MECOM: variants seen among roughly 807,000 people sequenced by gnomAD.
MECOM encodes histone-lysine N-methyltransferase MECOM.
MECOM carries 13 observed loss-of-function variants against 116.3 expected under a neutral mutation model. The ratio of observed to expected loss-of-function variants is 0.11; its 90% CI spans 0.07 to 0.18. The LOEUF is 0.18. Among genes scored for constraint, MECOM ranks in the 10% least tolerant of loss-of-function variants. MECOM has a pLI of 1.00. For synonymous variants in MECOM, 528 were observed against 535.2 expected, an observed-to-expected ratio of 0.99 and a Z score of 0.19; for missense variants, 1,299 against 1,509.0, an observed-to-expected ratio of 0.86 and a Z score of 2.31.
intron 1 of MECOM, among the ~76,000 whole-genome samples, chr3:169,517,431 T>C (rs1428763271): frequency 6.6e-6 from 1 of 152,218 alleles, no homozygotes; most frequent in Non-Finnish European, 1.5e-5. Flanking sequence ...ACTTATCCAA[T>C]ATGTGCCTAA....
chr3:169,314,803 G>C (rs971740923), intron 2 of MECOM, among the ~76,000 whole-genome samples: 1 of 152,144 alleles, frequency 6.6e-6, no homozygotes, highest in Admixed American at 6.5e-5. Context: ...TTAGGGCAAC[G>C]ATATTCTTAC....
chr3:169,411,242 T>G (rs1737508939), intron 1 of MECOM, among the ~76,000 whole-genome samples: 1 of 152,194 alleles, frequency 6.6e-6, no homozygotes, highest in South Asian at 2.1e-4. Context: ...AAAAAAATGT[T>G]TGGCAAAACT....
At chr3:169,572,466 T>C (rs965414125) in intron 1 of MECOM, among the ~76,000 whole-genome samples, 3 of 152,208 alleles carry the variant, frequency 2.0e-5, no homozygotes, top group Non-Finnish European at 4.4e-5. Flanking sequence ...AGAAATACCA[T>C]TTGACCCAGC....
chr3:169,585,211 C>T (rs897503425), intron 1 of MECOM, among the ~76,000 whole-genome samples: 1 of 152,166 alleles, frequency 6.6e-6, no homozygotes. Flanking sequence ...GGAGGCCAAA[C>T]ACTGAATCAT....
At chr3:169,584,903 A>C (rs1370397199) in intron 1 of MECOM, among the ~76,000 whole-genome samples, 1 of 152,268 alleles carries the variant, frequency 6.6e-6, no homozygotes, top group Non-Finnish European at 1.5e-5. Context: ...AGATCCTAAA[A>C]GGAAAAGACA....
chr3:169,371,538 C>T (rs1730132711), intron 2 of MECOM, among the ~76,000 whole-genome samples: 2 of 151,908 alleles, frequency 1.3e-5, no homozygotes, highest in African/African-American at 2.4e-5. Flanking sequence ...CACACACTCA[C>T]ACACACATAA....
intron 2 of MECOM, among the ~76,000 whole-genome samples, chr3:169,270,216 G>A (rs1403897326): frequency 6.6e-6 from 1 of 152,100 alleles, no homozygotes; most frequent in Non-Finnish European, 1.5e-5. Flanking sequence ...TTTAAATGAT[G>A]GGTTGGTATC....
chr3:169,554,142 C>T (rs934443032), intron 1 of MECOM, among the ~76,000 whole-genome samples: 1 of 152,164 alleles, frequency 6.6e-6, no homozygotes, highest in Non-Finnish European at 1.5e-5. Context: ...CATGGCCTTC[C>T]ATGCTGTTTC....
At chr3:169,629,541 C>T (rs962307891) in intron 1 of MECOM, among the ~76,000 whole-genome samples, 3 of 152,082 alleles carry the variant, frequency 2.0e-5, no homozygotes, top group African/African-American at 7.2e-5. Flanking sequence ...CAACTCTACT[C>T]CCCAGCCGAG....
At chr3:169,340,092 T>C (rs1352307385) in intron 2 of MECOM, among the ~76,000 whole-genome samples, 5 of 152,362 alleles carry the variant, frequency 3.3e-5, no homozygotes, top group African/African-American at 1.2e-4. Flanking sequence ...CATTCTTACA[T>C]ACATGCACAT....
rs1223904475 is a variant in MECOM at position 169,441,750 on chromosome 3, AG to A, written c.38-60227del. On this transcript the variant is annotated intron_variant, in intron 1 of 16. Coordinates refer to ENST00000651503, the MANE Select transcript of MECOM (RefSeq NM_004991.4). ...CTTCTTTTTTTTTTTTTTTTAAAAAAGGGGGGGTCTTGCTCTGTCACCCAGG... is the reference window on the plus strand; with the variant it reads ...CTTCTTTTTTTTTTTTTTTTAAAAAAGGGGGGTCTTGCTCTGTCACCCAGG... Among the ~76,000 whole-genome samples the A allele has an allele frequency of 4.8e-5, 5 of 104,734 alleles. 1 individual carries two copies. The highest frequency in any genetic ancestry group is 6.6e-4 in the East Asian group (2 of 3,018). 68.7% of individuals were successfully genotyped at this position (104,734 alleles called of 152,430 possible).
At chr3:169,386,507 C>T (rs9859964) in intron 1 of MECOM, among the ~76,000 whole-genome samples, 28,482 of 152,090 alleles carry the variant, frequency 0.19, 3,027 homozygotes, top group East Asian at 0.3. Context: ...AATACTTTGG[C>T]TTTTGACTTT....
Position 169,084,672 on chromosome 3 carries a change from G to A in MECOM, c.*237C>T. ...TCACTGAATCACTTTAAGTCGCATTGATTGATCTTCCAGAAGTCAGCAGCT... is the reference window on the plus strand; with the variant it reads ...TCACTGAATCACTTTAAGTCGCATTAATTGATCTTCCAGAAGTCAGCAGCT... On this transcript the variant is annotated 3_prime_UTR_variant, in exon 17 of 17. Coordinates refer to ENST00000651503, the MANE Select transcript of MECOM (RefSeq NM_004991.4). The A allele has an allele frequency of 2.2e-6, 1 of 450,982 alleles. No individual in the cohort carries two copies. Among genetic ancestry groups the A allele is most frequent in the Non-Finnish European group, 3.9e-6 (1 of 257,248 alleles). 27.9% of individuals were successfully genotyped at this position (450,982 alleles called of 1,614,324 possible).
intron 1 of MECOM, among the ~76,000 whole-genome samples, chr3:169,555,414 C>A (rs1042644560): frequency 6.6e-6 from 1 of 152,122 alleles, no homozygotes; most frequent in Non-Finnish European, 1.5e-5. Context: ...GCCAGCCCCC[C>A]GCCAATGGAG....
intron 1 of MECOM, among the ~76,000 whole-genome samples, chr3:169,412,003 A>C (rs538724708): frequency 1.1e-4 from 17 of 150,342 alleles, no homozygotes; most frequent in Middle Eastern, 3.6e-3. Flanking sequence ...AATAAAAATA[A>C]GGCTGGGCAC....
At chr3:169,616,915 A>G (rs1770083706) in intron 1 of MECOM, among the ~76,000 whole-genome samples, 1 of 152,264 alleles carries the variant, frequency 6.6e-6, no homozygotes, top group Non-Finnish European at 1.5e-5. Context: ...TCTGTTTGTA[A>G]CATAAATCAA....
At chr3:169,240,687 TAA>T (rs1285108459) in intron 2 of MECOM, among the ~76,000 whole-genome samples, 1 of 152,100 alleles carries the variant, frequency 6.6e-6, no homozygotes, top group African/African-American at 2.4e-5. Context: ...GGATGATCCA[TAA>T]AGTCATGAAA....
intron 1 of MECOM, among the ~76,000 whole-genome samples, chr3:169,641,145 G>C (rs756245693): frequency 3.9e-5 from 6 of 152,182 alleles, no homozygotes; most frequent in Non-Finnish European, 8.8e-5. Flanking sequence ...AAAGAAATCT[G>C]TTTGGTGATC....
intron 1 of MECOM, among the ~76,000 whole-genome samples, chr3:169,451,761 C>G (rs903279915): frequency 6.6e-6 from 1 of 151,954 alleles, no homozygotes; most frequent in Non-Finnish European, 1.5e-5. Flanking sequence ...AAATTTCTAT[C>G]GCTTAGTGAG....
Sources: allele counts gnomAD v4.1 joint callset (sites outside exome capture counted in the v4.1 genomes callset), GRCh38; gene constraint gnomAD v4.1.1; transcripts MANE v1.5; gene names NCBI Gene and HGNC (gene_info 2026-07-23, HGNC 2026-07-21).